Variants in LRP4 observed in about 807,000 individuals in gnomAD.
The protein encoded by LRP4 is low-density lipoprotein receptor-related protein 4.
LRP4 carries 95 observed loss-of-function variants against 220.3 expected under a neutral mutation model. The observed-to-expected ratio is 0.43, with a 90% confidence interval of 0.37 to 0.51. The LOEUF (loss-of-function observed/expected upper bound fraction) is 0.51, where lower values mean the gene tolerates loss of function less well. LRP4 is among the 20% of genes least tolerant of loss of function. The pLI is 0.00. For missense variants in LRP4, 1,925 were observed against 2,567.0 expected (o/e 0.75, Z 5.40); for synonymous variants, 903 against 954.6 (o/e 0.95, Z 1.00).
chr11:46,873,093 C>A lies in LRP4; in HGVS notation c.4583+7G>T. ...TTCCAGGAGGCTGTTTGATGCAAGA[C>A]TCCCACCTGCGGGTATCATAGTCCA... On this transcript the variant is annotated splice_region_variant and intron_variant, in intron 30 of 37. Transcript: ENST00000378623. This position sits in a 1 kb window ranked among gnomAD's most constrained non-coding sequence, Gnocchi z 4.2. 1 of 1,614,206 alleles carries A rather than the reference C, an allele frequency of 6.2e-7. No individual in the cohort carries two copies.
intron 7 of LRP4, among the ~76,000 whole-genome samples, chr11:46,897,519 G>GGC (rs1941564525): frequency 6.7e-6 from 1 of 149,936 alleles, no homozygotes; most frequent in Admixed American, 6.6e-5. Context: ...AGGACCCTGC[G>GGC]GCCTTCCGCA....
At chr11:46,863,065 T>C (rs780328844) in intron 36 of LRP4, 17 of 371,360 alleles carry the variant, frequency 4.6e-5, no homozygotes, top group African/African-American at 8.3e-5. Context: ...AGTTGTCCTA[T>C]GGAGAGGCCC....
At chr11:46,881,058 CAA>C (rs60125188) in intron 20 of LRP4, among the ~76,000 whole-genome samples, 24,027 of 56,154 alleles carry the variant, frequency 0.43, 3,049 homozygotes, top group Non-Finnish European at 0.5. Context: ...TCTAAAAAAC[CAA>C]AAAAAAAAAA....
chr11:46,875,979 G>T lies in LRP4; in HGVS notation c.3537-13C>A, dbSNP rs752687926. 2.4e-5 allele frequency: 38 copies of T among 1,613,094 alleles called. No homozygotes were observed. The Admixed American group carries it at 5.8e-4, about 25-fold the overall frequency. ...CCAGTACATAAACCTGAGTGAGGAA[G>T]AATATTAGCTATATTAGCTAGTTAT... On this transcript the variant is annotated splice_polypyrimidine_tract_variant and intron_variant, in intron 25 of 37. Coordinates refer to ENST00000378623, the MANE Select transcript of LRP4 (RefSeq NM_002334.4). This position sits in a 1 kb window ranked among gnomAD's most constrained non-coding sequence, Gnocchi z 4.5.
At chr11:46,865,210 G>T in intron 34 of LRP4, 24 bp from the exon 35 acceptor site, 3 of 1,528,738 alleles carry the variant, frequency 2.0e-6, no homozygotes, top group Non-Finnish European at 2.7e-6. Flanking sequence ...AAAACTGGAT[G>T]TGAAGCCTAC....
intron 34 of LRP4, 95 bp downstream of exon 34, chr11:46,867,884 A>T: frequency 1.4e-6 from 2 of 1,462,544 alleles, no homozygotes; most frequent in South Asian, 2.3e-5. Flanking sequence ...GACATAATCT[A>T]TCTCCCAACT....
Position 46,868,006 on chromosome 11 carries a change from C to A in LRP4, c.5060G>T (p.Arg1687Leu). Residue 1687 changes from arginine (R) to leucine (L), a missense_variant, in exon 34 of 38, where the codon CGC becomes CTC. Coordinates refer to ENST00000378623, the MANE Select transcript of LRP4 (RefSeq NM_002334.4). Reference sequence around the variant, plus strand: ...TCCTTCCACCTCCTCCAGAGACGTGCGGGTCCGGGTGGTTGAAGAATACAA... The same window carrying A: ...TCCTTCCACCTCCTCCAGAGACGTGAGGGTCCGGGTGGTTGAAGAATACAA... ...TTLYSSTTRT[R>L]TSLEEVEGRC... The A allele has an allele frequency of 6.2e-7, 1 of 1,614,124 alleles. No homozygotes were observed. Among genetic ancestry groups the A allele is most frequent in the South Asian group, 1.1e-5 (1 of 91,076 alleles).
chr11:46,898,766 T>G, intron 6 of LRP4, 89 bp from the exon 7 acceptor site: 2 of 1,604,342 alleles, frequency 1.2e-6, no homozygotes, highest in Non-Finnish European at 1.7e-6. Context: ...TCCCAGTTCC[T>G]CCATCTCTTC....
In LRP4 at chr11:46,875,028, G is replaced by A. The variant is rs1940970342; in HGVS notation, c.4001C>T (p.Ala1334Val). The change falls in exon 28 of 38, where the codon GCC becomes GTC. Residue 1334 changes from alanine to valine, a missense_variant. Around this residue, in one of 3 missense-constraint regions of LRP4, gnomAD observed 1,244 missense variants for 1,624.9 expected, o/e 0.77. Coordinates refer to ENST00000378623, the MANE Select transcript of LRP4 (RefSeq NM_002334.4). This position sits in a 1 kb window ranked among gnomAD's most constrained non-coding sequence, Gnocchi z 4.5. Reference sequence around the variant, plus strand: ...CTTCAGCTGGATGCCAGTGGGGCAGGCACAGGAGAAGCCAGAAGGCCGAGG... The same window carrying A: ...CTTCAGCTGGATGCCAGTGGGGCAGACACAGGAGAAGCCAGAAGGCCGAGG... The part of the protein sequence containing the change: ...CLPRPSGFSC[A>V]CPTGIQLKGD... 6.2e-7 allele frequency: 1 copy of A among 1,613,912 alleles called. No homozygotes were observed. The highest frequency in any genetic ancestry group is 8.5e-7 in the Non-Finnish European group (1 of 1,180,040).
At chr11:46,894,456 G>A in intron 12 of LRP4, 133 bp downstream of exon 12, 1 of 712,160 alleles carries the variant, frequency 1.4e-6, no homozygotes. Flanking sequence ...CTATATTAGG[G>A]CTCCAACTAA....
In LRP4 at chr11:46,873,573, C is replaced by T. The variant is rs758719937; in HGVS notation, c.4250G>A (p.Ser1417Asn). The change falls in exon 29 of 38, where the codon AGC becomes AAC. Residue 1417 changes from serine to asparagine, a missense_variant. Ser to Asn is a conservative substitution (Grantham distance 46). This residue lies in a region of LRP4 where 1,244 missense variants were observed against 1,624.9 expected (regional missense o/e 0.77). Coordinates refer to ENST00000378623, the MANE Select transcript of LRP4 (RefSeq NM_002334.4). The surrounding 1 kb of genome is among the most constrained non-coding windows in gnomAD (Gnocchi z 4.2). ...TCGCCCGATCACTGTCTCCATGTTGCTGCCGTTCAGGTCTGCTCGCCTTGG... is the reference window on the plus strand; with the variant it reads ...TCGCCCGATCACTGTCTCCATGTTGTTGCCGTTCAGGTCTGCTCGCCTTGG... ...DVIRRADLNG[S>N]NMETVIGRGL... 1.7e-5 allele frequency: 27 copies of T among 1,613,676 alleles called. No individual in the cohort carries two copies. Among genetic ancestry groups the T allele is most frequent in the Non-Finnish European group, 2.3e-5 (27 of 1,179,730 alleles).
chr11:46,868,996 C>T lies in LRP4; in HGVS notation c.4829G>A (p.Arg1610Gln), dbSNP rs756543033. 2.0e-5 allele frequency: 33 copies of T among 1,614,056 alleles called. No homozygotes were observed. The highest frequency in any genetic ancestry group is 8.9e-5 in the East Asian group (4 of 44,884). The change falls in exon 32 of 38, where the codon CGG (arginine) becomes CAG (glutamine). Residue 1610 changes from arginine to glutamine, a missense_variant. By Grantham distance (43) the Arg-to-Gln change is conservative. Coordinates refer to ENST00000378623, the MANE Select transcript of LRP4 (RefSeq NM_002334.4). Reference sequence around the variant, plus strand: ...AGTACCCGGGAGCCCACCTGTCTGCCGCTGAGGGGAAACCACGATGATATC... The same window carrying T: ...AGTACCCGGGAGCCCACCTGTCTGCTGCTGAGGGGAAACCACGATGATATC... ...LMDIIVVSPQ[R>Q]QTGTNACGVN...
At chr11:46,900,127 C>A (rs879157289) in intron 3 of LRP4, 135 bp downstream of exon 3, 5 of 958,282 alleles carry the variant, frequency 5.2e-6, no homozygotes, top group Middle Eastern at 2.9e-4. Context: ...TATCTGACTT[C>A]GAGAGGAAGT....
chr11:46,914,687 T>C (rs1192414465), intron 1 of LRP4, among the ~76,000 whole-genome samples: 2 of 152,160 alleles, frequency 1.3e-5, no homozygotes, highest in Admixed American at 6.5e-5. Context: ...CTAAGCTGCA[T>C]CAAGGAATGT....
intron 1 of LRP4, among the ~76,000 whole-genome samples, chr11:46,909,611 CAAAA>C (rs71042636): frequency 3.5e-4 from 16 of 46,098 alleles, no homozygotes; most frequent in African/African-American, 5.0e-4. Flanking sequence ...GACTCCGTCT[CAAAA>C]AAAAAAAAAA....
chr11:46,888,742 CAAG>C (rs1941355988), intron 16 of LRP4, among the ~76,000 whole-genome samples: 1 of 152,068 alleles, frequency 6.6e-6, no homozygotes, highest in Non-Finnish European at 1.5e-5. Context: ...CAGCAGTAAA[CAAG>C]AACAGCTGCT....
intron 8 of LRP4, 43 bp downstream of exon 8, chr11:46,896,826 C>G: frequency 3.1e-6 from 5 of 1,613,710 alleles, no homozygotes; most frequent in Non-Finnish European, 4.2e-6. Context: ...CCTTCCACCC[C>G]AACTATAGGC....
chr11:46,897,922 G>A (rs1941574192), intron 7 of LRP4, among the ~76,000 whole-genome samples: 1 of 152,164 alleles, frequency 6.6e-6, no homozygotes, highest in Non-Finnish European at 1.5e-5. Flanking sequence ...GCCTGGCAGA[G>A]GGGCTCCTCA....
chr11:46,860,952 G>T (rs1428461673), intron 37 of LRP4: 3 of 985,184 alleles, frequency 3.0e-6, no homozygotes, highest in Non-Finnish European at 3.6e-6. Context: ...GAAATCAGAA[G>T]AGAAAAGGTG....
Sources: allele counts gnomAD v4.1 joint callset (sites outside exome capture counted in the v4.1 genomes callset), GRCh38; gene constraint gnomAD v4.1.1; regional missense constraint gnomAD v4.1.1; non-coding constraint Gnocchi (gnomAD v3.1); transcripts MANE v1.5; gene names NCBI Gene and HGNC (gene_info 2026-07-23, HGNC 2026-07-21).